ZNF727: variants seen among roughly 807,000 people sequenced by gnomAD.
ZNF727 encodes the protein zinc finger protein 727.
ZNF727 carries 11 observed loss-of-function variants against 11.5 expected under a neutral mutation model. That is an observed-to-expected ratio of 0.95 (90% confidence interval 0.60 to 1.58). The LOEUF is 1.58. Ranked by LOEUF, ZNF727 falls within the 40% of genes most tolerant of loss-of-function variation. ZNF727 has a pLI of 0.00. For missense variants in ZNF727, 533 were observed against 581.7 expected (o/e 0.92, Z 0.86); for synonymous variants, 171 against 196.1 (o/e 0.87, Z 1.07).
intron 1 of ZNF727, among the ~76,000 whole-genome samples, chr7:64,053,578 C>T (rs932912178): frequency 2.0e-5 from 3 of 152,054 alleles, no homozygotes; most frequent in African/African-American, 7.2e-5. Context: ...CTCAGCCTCC[C>T]AAAGTGCTGG....
intron 1 of ZNF727, among the ~76,000 whole-genome samples, chr7:64,052,775 G>T (rs868406687): frequency 1.3e-5 from 2 of 152,220 alleles, no homozygotes; most frequent in African/African-American, 4.8e-5. Flanking sequence ...GGCCATGGAA[G>T]CTCACTTCTT....
rs1488704247 is a variant in ZNF727, at chr7:64,084,582, T to C, written c.*6033T>C. Among the ~76,000 whole-genome samples the C allele has an allele frequency of 6.6e-6, 1 of 152,186 alleles. No individual in the cohort carries two copies. The highest frequency in any genetic ancestry group is 1.9e-4 in the East Asian group (1 of 5,200). On this transcript the variant is annotated 3_prime_UTR_variant, in exon 4 of 4. Coordinates refer to ENST00000456806, the MANE Select transcript of ZNF727 (RefSeq NM_001159522.3). The stretch of plus-strand genomic sequence containing the variant: ...CTACAAATTAACATTTTTGTTTTTC[T>C]TGTAACTACAGGTTATTATGATGTT...
intron 1 of ZNF727, among the ~76,000 whole-genome samples, chr7:64,059,850 G>A (rs531758544): frequency 2.0e-5 from 3 of 152,228 alleles, no homozygotes; most frequent in Admixed American, 6.5e-5. Flanking sequence ...ATGTAAATTT[G>A]TTTTGTCTCT....
chr7:64,045,435 G>T lies in ZNF727; in HGVS notation c.-187G>T. ...GTGCGCAGCTAGAGAGGAAGAGGCG[G>T]GCTCTTCAATATGGCAAGGCCTTCG... On this transcript the variant is annotated 5_prime_UTR_variant, in exon 1 of 4. Coordinates refer to ENST00000456806, the MANE Select transcript of ZNF727 (RefSeq NM_001159522.3). The T allele has an allele frequency of 1.3e-6, 1 of 786,562 alleles. No homozygotes were observed. 48.7% of individuals were successfully genotyped at this position (786,562 alleles called of 1,614,324 possible).
rs1425616182 is a variant in ZNF727 at position 64,079,878 on chromosome 7, T to G, written c.*1329T>G. On this transcript the variant is annotated 3_prime_UTR_variant, in exon 4 of 4. Coordinates refer to ENST00000456806, the MANE Select transcript of ZNF727 (RefSeq NM_001159522.3). ...GGTAACAGATTTCCTCAGCATTTGC[T>G]TATCTGAATACGATCATATTTATTT... is the stretch of plus-strand genomic sequence containing the variant. Among the ~76,000 whole-genome samples the G allele has an allele frequency of 6.6e-6, 1 of 152,208 alleles. No homozygotes were observed. Among genetic ancestry groups the G allele is most frequent in the Admixed American group, 6.5e-5 (1 of 15,274 alleles).
chr7:64,069,442 A>G, intron 2 of ZNF727, 72 bp from the exon 3 acceptor site: 1 of 1,223,152 alleles, frequency 8.2e-7, no homozygotes, highest in Non-Finnish European at 1.2e-6. Context: ...TCTCTTCTCT[A>G]CTGAGCATAG....
At position 64,045,487 on chromosome 7, in the gene ZNF727, A is replaced by G. The variant is rs1413064629; in HGVS notation, c.-135A>G. 11 of 1,242,032 alleles carry G rather than the reference A, an allele frequency of 8.9e-6. No individual in the cohort carries two copies. Among genetic ancestry groups the G allele is most frequent in the East Asian group, 7.6e-5 (3 of 39,442 alleles). 76.9% of individuals were successfully genotyped at this position (1,242,032 alleles called of 1,614,324 possible). On this transcript the variant is annotated 5_prime_UTR_variant, in exon 1 of 4. Coordinates refer to ENST00000456806, the MANE Select transcript of ZNF727 (RefSeq NM_001159522.3). The stretch of plus-strand genomic sequence containing the variant: ...CTCCTAGCTTCTAGGCTCTGAGTCC[A>G]GTACCCGTCTGTACTATTCCATCTC...
In ZNF727 at chr7:64,063,338, A is replaced by G. The variant is rs186630698; in HGVS notation, c.4-5553A>G. 5.0e-3 allele frequency among the ~76,000 whole-genome samples: 755 copies of G among 152,130 alleles called. 5 individuals carry two copies. Among genetic ancestry groups the G allele is most frequent in the East Asian group, 7.2e-3 (37 of 5,170 alleles). ...ATTGCAGTCATATCTGCATTAGGGGACACCCCAACCTGAATAACACTGTGA... is the reference window on the plus strand; with the variant it reads ...ATTGCAGTCATATCTGCATTAGGGGGCACCCCAACCTGAATAACACTGTGA... On this transcript the variant is annotated intron_variant, in intron 1 of 3. Transcript: ENST00000456806.
chr7:64,047,292 T>C (rs1789523421), intron 1 of ZNF727, among the ~76,000 whole-genome samples: 1 of 152,232 alleles, frequency 6.6e-6, no homozygotes, highest in Non-Finnish European at 1.5e-5. Flanking sequence ...ATTAGTCCTT[T>C]ATTTAATTTC....
At chr7:64,047,410 G>GTAA (rs1789525594) in intron 1 of ZNF727, among the ~76,000 whole-genome samples, 1 of 152,242 alleles carries the variant, frequency 6.6e-6, no homozygotes, top group African/African-American at 2.4e-5. Context: ...AAAGCAGAGA[G>GTAA]TAATCACCTG....
chr7:64,063,399 C>T (rs1283605537), intron 1 of ZNF727, among the ~76,000 whole-genome samples: 1 of 152,160 alleles, frequency 6.6e-6, no homozygotes, highest in Non-Finnish European at 1.5e-5. Flanking sequence ...CTTTGGTGGT[C>T]ATAGGTAAGA....
chr7:64,081,385 A>G lies in ZNF727; in HGVS notation c.*2836A>G, dbSNP rs1301408236. On this transcript the variant is annotated 3_prime_UTR_variant, in exon 4 of 4. Transcript: ENST00000456806. Reference sequence around the variant, plus strand: ...TCTACCCGCCAAAGCTTCATCTACAATAGCAATTGCTGGGAGTGGCAGGGG... The same window carrying G: ...TCTACCCGCCAAAGCTTCATCTACAGTAGCAATTGCTGGGAGTGGCAGGGG... 6.6e-6 allele frequency among the ~76,000 whole-genome samples: 1 copy of G among 152,096 alleles called. No homozygotes were observed. The highest frequency in any genetic ancestry group is 2.4e-5 in the African/African-American group (1 of 41,402).
At chr7:64,051,179 T>C (rs1453728685) in intron 1 of ZNF727, among the ~76,000 whole-genome samples, 2 of 152,142 alleles carry the variant, frequency 1.3e-5, no homozygotes, top group Non-Finnish European at 2.9e-5. Flanking sequence ...ACTCTAAACA[T>C]AAACTGAAAT....
At chr7:64,050,795 TG>T (rs1241148356) in intron 1 of ZNF727, among the ~76,000 whole-genome samples, 22 of 151,924 alleles carry the variant, frequency 1.4e-4, no homozygotes, top group African/African-American at 5.3e-4. Context: ...TGTGTGTGTG[TG>T]TGTGTGTGTG....
rs1785823009 is a variant in ZNF727, at chr7:64,083,347, A to G, written c.*4798A>G. Among the ~76,000 whole-genome samples the G allele has an allele frequency of 6.6e-6, 1 of 152,174 alleles. No individual in the cohort carries two copies. Among genetic ancestry groups the G allele is most frequent in the Non-Finnish European group, 1.5e-5 (1 of 68,030 alleles). ...CATCCCAGGGAGGTACCGTACTGCT[A>G]CCAATGGTTGGCTGGAATTTTAAGC... On this transcript the variant is annotated 3_prime_UTR_variant, in exon 4 of 4. Coordinates refer to ENST00000456806, the MANE Select transcript of ZNF727 (RefSeq NM_001159522.3).
intron 1 of ZNF727, among the ~76,000 whole-genome samples, chr7:64,056,274 GT>G: frequency 6.6e-6 from 1 of 152,238 alleles, no homozygotes; most frequent in Admixed American, 6.5e-5. Context: ...TGGGAATCAT[GT>G]TTGATAAGGC....
At chr7:64,053,071 A>C (rs184105534) in intron 1 of ZNF727, among the ~76,000 whole-genome samples, 1 of 152,276 alleles carries the variant, frequency 6.6e-6, no homozygotes, top group East Asian at 1.9e-4. Flanking sequence ...TGCTGAAATT[A>C]GTTGAGACTC....
chr7:64,055,798 A>G (rs1026604853), intron 1 of ZNF727, among the ~76,000 whole-genome samples: 29 of 152,324 alleles, frequency 1.9e-4, no homozygotes, highest in Admixed American at 9.2e-4. Flanking sequence ...GGCTATTGTG[A>G]ATAGTGCTGC....
intron 1 of ZNF727, among the ~76,000 whole-genome samples, chr7:64,066,221 A>T (rs1478415410): frequency 1.3e-5 from 2 of 152,188 alleles, no homozygotes; most frequent in Non-Finnish European, 2.9e-5. Context: ...GAAAATGGCC[A>T]TACTGTCCAA....
Sources: gnomAD v4.1 joint callset for allele counts (sites outside exome capture counted in the v4.1 genomes callset) on GRCh38, gnomAD v4.1.1 for gene constraint, MANE v1.5 for transcripts, NCBI Gene and HGNC (gene_info 2026-07-23, HGNC 2026-07-21) for gene names.